Variants in PLCB4 observed in about 807,000 individuals in gnomAD.
The protein encoded by PLCB4 is 1-phosphatidylinositol 4,5-bisphosphate phosphodiesterase beta-4.
Under a neutral mutation model 178.8 loss-of-function variants are expected in PLCB4, and 77 were observed. The observed-to-expected ratio is 0.43, with a 90% CI of 0.36 to 0.52. The LOEUF is 0.52. Among genes scored for constraint, PLCB4 ranks in the 20% least tolerant of loss-of-function variants. The pLI is 0.00. For synonymous variants in PLCB4, 496 were observed against 490.8 expected (o/e 1.01, Z -0.14); for missense variants, 1,024 against 1,453.4 (o/e 0.70, Z 4.80).
At chr20:9,280,825 T>A (rs2094488683) in intron 3 of PLCB4, among the ~76,000 whole-genome samples, 1 of 151,790 alleles carries the variant, frequency 6.6e-6, no homozygotes, top group Non-Finnish European at 1.5e-5. Flanking sequence ...GTATCAGAAA[T>A]GTGGTTCTGT....
At chr20:9,477,454 G>A (rs1028503257) in intron 39 of PLCB4, among the ~76,000 whole-genome samples, 5 of 152,126 alleles carry the variant, frequency 3.3e-5, no homozygotes, top group African/African-American at 9.7e-5. Context: ...CTTCTACACC[G>A]TGGTCAATAC....
chr20:9,410,393 C>T (rs1039095613), intron 24 of PLCB4, among the ~76,000 whole-genome samples: 5 of 152,338 alleles, frequency 3.3e-5, no homozygotes, highest in Non-Finnish European at 7.3e-5. Flanking sequence ...GATTAAATGG[C>T]TAACCCAGCT....
intron 4 of PLCB4, among the ~76,000 whole-genome samples, chr20:9,331,133 A>G (rs1466516794): frequency 1.3e-5 from 2 of 152,148 alleles, no homozygotes; most frequent in African/African-American, 4.8e-5. Context: ...ACCAACCACT[A>G]CAAGGCCTGG....
chr20:9,405,229 T>C, intron 20 of PLCB4, 84 bp from the exon 21 acceptor site: 1 of 673,768 alleles, frequency 1.5e-6, no homozygotes, highest in Non-Finnish European at 2.6e-6. Context: ...CTACACTTAT[T>C]TAAATATCTA....
In PLCB4 at chr20:9,201,591, A is replaced by T. The variant is rs557086919; in HGVS notation, c.-78-15799A>T. On this transcript the variant is annotated intron_variant, in intron 2 of 39. Coordinates refer to ENST00000378473, the MANE Select transcript of PLCB4 (RefSeq NM_001377142.1). ...GTTTTTAAAAAGGACATAATAATACATTACTTATTTAAAGGTAGAAAGGTA... is the reference window on the plus strand; with the variant it reads ...GTTTTTAAAAAGGACATAATAATACTTTACTTATTTAAAGGTAGAAAGGTA... 6.6e-5 allele frequency among the ~76,000 whole-genome samples: 10 copies of T among 152,304 alleles called. No homozygotes were observed. In the East Asian group the frequency reaches 1.3e-3, roughly 21 times the overall value.
At chr20:9,461,364 C>T (rs1236556217) in intron 35 of PLCB4, among the ~76,000 whole-genome samples, 3 of 152,194 alleles carry the variant, frequency 2.0e-5, no homozygotes. Flanking sequence ...GTGATTTCTG[C>T]ATTTCCAACT....
At chr20:9,244,760 A>G (rs990964059) in intron 3 of PLCB4, among the ~76,000 whole-genome samples, 2 of 152,254 alleles carry the variant, frequency 1.3e-5, no homozygotes, top group Non-Finnish European at 2.9e-5. Flanking sequence ...TGCAATAAAT[A>G]GTAGGCACCC....
chr20:9,261,477 A>AG (rs2094296828), intron 3 of PLCB4, among the ~76,000 whole-genome samples: 1 of 152,178 alleles, frequency 6.6e-6, no homozygotes, highest in Admixed American at 6.6e-5. Context: ...TTTTTCTCAT[A>AG]GAATATTGTG....
intron 4 of PLCB4, among the ~76,000 whole-genome samples, chr20:9,331,847 G>A (rs1210785287): frequency 2.0e-5 from 3 of 152,158 alleles, no homozygotes; most frequent in South Asian, 4.1e-4. Flanking sequence ...TCAGAGTGGG[G>A]ATCTCTGAGC....
chr20:9,324,329 G>A (rs2077664640), intron 4 of PLCB4, among the ~76,000 whole-genome samples: 1 of 152,126 alleles, frequency 6.6e-6, no homozygotes, highest in African/African-American at 2.4e-5. Context: ...GGGAGGCTGA[G>A]GGAGGAGAAT....
intron 11 of PLCB4, 33 bp from the exon 12 acceptor site, chr20:9,373,014 A>G (rs770267933): frequency 9.6e-7 from 1 of 1,040,224 alleles, no homozygotes; most frequent in African/African-American, 1.6e-5. Flanking sequence ...ATCATATACA[A>G]AAACTTACTT....
chr20:9,159,536 T>G (rs2092848397), intron 2 of PLCB4, among the ~76,000 whole-genome samples: 1 of 152,212 alleles, frequency 6.6e-6, no homozygotes, highest in Admixed American at 6.5e-5. Flanking sequence ...ATGAACATAC[T>G]TAAGACTCAT....
intron 7 of PLCB4, among the ~76,000 whole-genome samples, chr20:9,343,269 C>A (rs565509890): frequency 6.6e-6 from 1 of 152,124 alleles, no homozygotes; most frequent in African/African-American, 2.4e-5. Context: ...CTTAACCCAA[C>A]ATTTAATCTA....
At chr20:9,084,773 G>T (rs1435185714) in intron 1 of PLCB4, among the ~76,000 whole-genome samples, 1 of 152,190 alleles carries the variant, frequency 6.6e-6, no homozygotes, top group Non-Finnish European at 1.5e-5. Context: ...TGGATATAAA[G>T]ACATCTTCAA....
At chr20:9,331,157 T>C (rs2031585078) in intron 4 of PLCB4, among the ~76,000 whole-genome samples, 3 of 152,180 alleles carry the variant, frequency 2.0e-5, no homozygotes, top group Admixed American at 2.0e-4. Context: ...TCAAAACCAC[T>C]GTGGACTGCC....
At chr20:9,344,488 T>C in intron 7 of PLCB4, among the ~76,000 whole-genome samples, 1 of 152,208 alleles carries the variant, frequency 6.6e-6, no homozygotes, top group African/African-American at 2.4e-5. Context: ...TGCCCGACAC[T>C]TAGTGAGTGC....
chr20:9,130,629 G>A (rs1471385498), intron 2 of PLCB4, among the ~76,000 whole-genome samples: 1 of 152,152 alleles, frequency 6.6e-6, no homozygotes, highest in Non-Finnish European at 1.5e-5. Context: ...CATGGATGAC[G>A]TTTGCACATG....
chr20:9,139,848 A>G (rs1037869409), intron 2 of PLCB4, among the ~76,000 whole-genome samples: 1 of 152,064 alleles, frequency 6.6e-6, no homozygotes, highest in South Asian at 2.1e-4. Context: ...AGGGACATTC[A>G]TATTGGTTGC....
chr20:9,395,800 C>T (rs1193236036), intron 19 of PLCB4, among the ~76,000 whole-genome samples, 182 bp downstream of exon 19: 1 of 152,068 alleles, frequency 6.6e-6, no homozygotes, highest in African/African-American at 2.4e-5. Flanking sequence ...AGATGAGACC[C>T]CATGTCTACA....
Sources: allele counts gnomAD v4.1 joint callset (sites outside exome capture counted in the v4.1 genomes callset), GRCh38; gene constraint gnomAD v4.1.1; transcripts MANE v1.5; gene names NCBI Gene and HGNC (gene_info 2026-07-23, HGNC 2026-07-21).